Variants in UNC79 observed in about 807,000 individuals in gnomAD.
UNC79 encodes the protein unc-79 subunit of NALCN channel complex, also known as protein unc-79 homolog.
UNC79 carries 37 observed loss-of-function variants against 283.1 expected under a neutral mutation model. The observed-to-expected ratio is 0.13, with a 90% CI of 0.10 to 0.17. The LOEUF (loss-of-function observed/expected upper bound fraction) is 0.17. Ranked by LOEUF, UNC79 falls within the 10% of genes least tolerant of loss-of-function variation. The probability of loss-of-function intolerance (pLI) is 1.00; values close to 1 mark genes in which losing one functional copy is unlikely to be tolerated. For missense variants in UNC79, 2,272 were observed against 3,211.1 expected (o/e 0.71, Z 7.07); for synonymous variants, 1,107 against 1,200.2 (o/e 0.92, Z 1.61).
intron 24 of UNC79, 77 bp downstream of exon 24, chr14:93,597,617 T>C: frequency 6.9e-7 from 1 of 1,451,388 alleles, no homozygotes; most frequent in Non-Finnish European, 9.2e-7. Context: ...GTTTGTCACG[T>C]CCTAGTCTGT....
chr14:93,660,563 A>ATATATATATATTTGTGTG (rs1203621990), intron 39 of UNC79, among the ~76,000 whole-genome samples: 1 of 64,776 alleles, frequency 1.5e-5, no homozygotes, highest in Non-Finnish European at 2.9e-5. Context: ...ATATATATAT[A>ATATATATATATTTGTGTG]TGTGTGTGTG....
At chr14:93,559,274 G>C (rs2062393821) in intron 14 of UNC79, among the ~76,000 whole-genome samples, 1 of 152,232 alleles carries the variant, frequency 6.6e-6, no homozygotes, top group Non-Finnish European at 1.5e-5. Flanking sequence ...TGAACACTTA[G>C]CAGTCTATAT....
intron 7 of UNC79, among the ~76,000 whole-genome samples, chr14:93,518,859 T>C (rs2140942311): frequency 6.6e-6 from 1 of 152,098 alleles, no homozygotes; most frequent in East Asian, 1.9e-4. Flanking sequence ...TTTTGTGTTA[T>C]TGGTTTCTAG....
intron 23 of UNC79, among the ~76,000 whole-genome samples, chr14:93,594,684 A>G (rs908825086): frequency 3.9e-5 from 6 of 152,172 alleles, no homozygotes; most frequent in African/African-American, 1.4e-4. Flanking sequence ...TAAATAGAAC[A>G]GCAGGTTCTC....
chr14:93,404,493 A>AAAAAAAAAAAAAATATATATATAT, intron 1 of UNC79, among the ~76,000 whole-genome samples: 71 of 61,472 alleles, frequency 1.2e-3, no homozygotes, highest in African/African-American at 3.5e-3. Context: ...TTCTAAAAAA[A>AAAAAAAAAAAAAATATATATATAT]ATATATATAT....
intron 1 of UNC79, among the ~76,000 whole-genome samples, chr14:93,361,542 G>A (rs2054227854): frequency 6.6e-6 from 1 of 151,650 alleles, no homozygotes; most frequent in African/African-American, 2.4e-5. Flanking sequence ...AATGCTACTG[G>A]TTTTTATACC....
intron 22 of UNC79, among the ~76,000 whole-genome samples, chr14:93,588,086 A>C (rs1486927259): frequency 6.6e-6 from 1 of 152,040 alleles, no homozygotes; most frequent in Non-Finnish European, 1.5e-5. Context: ...TTATTTATTT[A>C]TTTATTTATT....
chr14:93,341,580 C>T (rs955639832), intron 1 of UNC79, among the ~76,000 whole-genome samples: 1 of 116,744 alleles, frequency 8.6e-6, no homozygotes, highest in African/African-American at 3.4e-5. Context: ...TCAGCCTAAG[C>T]AAAATTGTGA....
At chr14:93,334,913 C>T (rs1206761393) in intron 1 of UNC79, 1 of 152,208 alleles carries the variant, frequency 6.6e-6, no homozygotes, top group Non-Finnish European at 1.5e-5. Flanking sequence ...TGTGTAAACA[C>T]TGCTTCTTTA....
intron 30 of UNC79, among the ~76,000 whole-genome samples, chr14:93,624,441 AG>A (rs1793805146): frequency 6.6e-6 from 1 of 152,174 alleles, no homozygotes. Context: ...GCATTGACCT[AG>A]AAATGATAGA....
At chr14:93,641,778 T>C (rs2069058668) in intron 33 of UNC79, among the ~76,000 whole-genome samples, 1 of 152,204 alleles carries the variant, frequency 6.6e-6, no homozygotes, top group Non-Finnish European at 1.5e-5. Flanking sequence ...TTTGGCTATG[T>C]TCCCACCCAA....
chr14:93,362,337 G>GT (rs1326546010), intron 1 of UNC79, among the ~76,000 whole-genome samples: 2 of 151,904 alleles, frequency 1.3e-5, no homozygotes, highest in African/African-American at 2.4e-5. Context: ...TGGTTGGTAG[G>GT]TTTTTTATTA....
chr14:93,333,332 A>G, exon 1 of UNC79: 1 of 398,824 alleles, frequency 2.5e-6, no homozygotes, highest in Non-Finnish European at 4.4e-6. Flanking sequence ...ATCAGAATAT[A>G]AGAACTGTGT....
chr14:93,604,173 T>A (rs1019895008), intron 26 of UNC79, among the ~76,000 whole-genome samples: 3 of 152,274 alleles, frequency 2.0e-5, no homozygotes, highest in African/African-American at 7.2e-5. Flanking sequence ...TGTTTAAATA[T>A]ATTACTAACT....
At chr14:93,694,077 T>A (rs2074913967) in intron 46 of UNC79, among the ~76,000 whole-genome samples, 2 of 152,160 alleles carry the variant, frequency 1.3e-5, no homozygotes, top group African/African-American at 2.4e-5. Context: ...ATTAGTGAGA[T>A]CAATGCCTGA....
intron 1 of UNC79, among the ~76,000 whole-genome samples, chr14:93,438,134 A>G (rs1042708053): frequency 1.5e-4 from 23 of 152,216 alleles, no homozygotes; most frequent in Non-Finnish European, 2.6e-4. Context: ...CAAAATAAAA[A>G]TGTTGACAAA....
intron 1 of UNC79, among the ~76,000 whole-genome samples, chr14:93,344,766 GT>G (rs2053788271): frequency 6.6e-6 from 1 of 152,234 alleles, no homozygotes; most frequent in Non-Finnish European, 1.5e-5. Flanking sequence ...CAAAATTAGA[GT>G]TTACCTGATG....
At chr14:93,665,102 C>A in intron 40 of UNC79, among the ~76,000 whole-genome samples, 1 of 149,116 alleles carries the variant, frequency 6.7e-6, no homozygotes, top group African/African-American at 2.5e-5. Context: ...AAATGATATG[C>A]ATATGAAGAA....
chr14:93,661,120 AT>A (rs201852805), intron 39 of UNC79, among the ~76,000 whole-genome samples: 5 of 151,934 alleles, frequency 3.3e-5, no homozygotes, highest in Middle Eastern at 3.4e-3. Context: ...TAATTTAGTC[AT>A]TTTTTTTCTG....
Sources: gnomAD v4.1 joint callset for allele counts (sites outside exome capture counted in the v4.1 genomes callset) on GRCh38, gnomAD v4.1.1 for gene constraint, MANE v1.5 for transcripts, NCBI Gene and HGNC (gene_info 2026-07-23, HGNC 2026-07-21) for gene names.